Variants in ACSBG1 observed in about 807,000 individuals in gnomAD.
The protein encoded by ACSBG1 is acyl-CoA synthetase bubblegum family member 1.
In ACSBG1, 39 loss-of-function variants were observed where a neutral mutation model predicts 80.2. The ratio of observed to expected loss-of-function variants is 0.49; its 90% CI spans 0.38 to 0.64. The LOEUF (loss-of-function observed/expected upper bound fraction) is 0.64. Among genes scored for constraint, ACSBG1 ranks in the 30% least tolerant of loss-of-function variants. The probability of loss-of-function intolerance (pLI) is 0.00; values close to 1 mark genes in which losing one functional copy is unlikely to be tolerated. For synonymous variants in ACSBG1, 392 were observed against 379.5 expected, an observed-to-expected ratio of 1.03 and a Z score of -0.38; for missense variants, 828 against 966.4, an observed-to-expected ratio of 0.86 and a Z score of 1.90.
At chr15:78,188,226 A>G (rs1177397434) in intron 5 of ACSBG1, among the ~76,000 whole-genome samples, 1 of 152,020 alleles carries the variant, frequency 6.6e-6, no homozygotes, top group African/African-American at 2.4e-5. Context: ...GGAAGAATCA[A>G]TATCATGAAA....
intron 1 of ACSBG1, among the ~76,000 whole-genome samples, chr15:78,229,282 CAAAG>C (rs1259857866): frequency 6.6e-6 from 1 of 151,976 alleles, no homozygotes; most frequent in Non-Finnish European, 1.5e-5. Flanking sequence ...TTAACAAAAA[CAAAG>C]AAAAACAGTA....
chr15:78,178,989 T>C lies in ACSBG1; in HGVS notation c.1485-158A>G, dbSNP rs920601758. The C allele has an allele frequency of 1.9e-5, 13 of 678,636 alleles. No homozygotes were observed. The highest frequency in any genetic ancestry group is 2.9e-5 in the Non-Finnish European group (12 of 410,704). 42.0% of individuals were successfully genotyped at this position (678,636 alleles called of 1,614,324 possible). Reference sequence around the variant, plus strand: ...TTACAGGGGACTTACAGCTGAAAGGTAGAGCCAAGTAAAGGGTTTTAGGGA... The same window carrying C: ...TTACAGGGGACTTACAGCTGAAAGGCAGAGCCAAGTAAAGGGTTTTAGGGA... On this transcript the variant is annotated intron_variant, in intron 10 of 13. Coordinates refer to ENST00000258873, the MANE Select transcript of ACSBG1 (RefSeq NM_015162.5). The surrounding 1 kb of genome is among the most constrained non-coding windows in gnomAD (Gnocchi z 4.3).
At chr15:78,205,832 G>A (rs544249078) in intron 2 of ACSBG1, among the ~76,000 whole-genome samples, 3 of 152,294 alleles carry the variant, frequency 2.0e-5, no homozygotes, top group African/African-American at 7.2e-5. Context: ...TGAAAGGGCA[G>A]CTTCAAGACC....
intron 9 of ACSBG1, 60 bp from the exon 10 acceptor site, chr15:78,179,840 C>CAT: frequency 8.3e-7 from 1 of 1,202,612 alleles, no homozygotes; most frequent in Non-Finnish European, 1.2e-6. Flanking sequence ...CACACACACA[C>CAT]ACATACACAC....
At position 78,181,981 on chromosome 15, in the gene ACSBG1, G is replaced by C; in HGVS notation, c.1059C>G (p.Pro353=). The change falls in exon 8 of 14, where the codon CCC becomes CCG. Residue 353 remains proline (P), a synonymous_variant. Coordinates refer to ENST00000258873, the MANE Select transcript of ACSBG1 (RefSeq NM_015162.5). ...AAGGCAGACTGACCTTCAGGGCGTC[G>C]GGTTCGGCAAAGCAAACCTGGGCCC... ...QWGAQVCFAE[P]DALKGSLVNT... is the part of the protein sequence containing the mutation. 6.2e-7 allele frequency: 1 copy of C among 1,613,926 alleles called. No homozygotes were observed. Among genetic ancestry groups the C allele is most frequent in the Non-Finnish European group, 8.5e-7 (1 of 1,179,932 alleles).
chr15:78,171,860 C>G (rs1403888369), intron 13 of ACSBG1: 1 of 172,152 alleles, frequency 5.8e-6, no homozygotes, highest in East Asian at 1.6e-4. Flanking sequence ...GACCTGTACC[C>G]AGTTTTGACC....
intron 2 of ACSBG1, among the ~76,000 whole-genome samples, chr15:78,205,526 C>A (rs2075205623): frequency 6.6e-6 from 1 of 152,114 alleles, no homozygotes; most frequent in African/African-American, 2.4e-5. Flanking sequence ...GCAGTGTGGC[C>A]AGTTAAGAGT....
chr15:78,216,511 C>T (rs984202831), intron 1 of ACSBG1, among the ~76,000 whole-genome samples: 1 of 152,108 alleles, frequency 6.6e-6, no homozygotes, highest in African/African-American at 2.4e-5. Context: ...CCAGCTCACA[C>T]GGGTGGGGTT....
At chr15:78,182,314 G>T in intron 7 of ACSBG1, 152 bp downstream of exon 7, 1 of 1,333,516 alleles carries the variant, frequency 7.5e-7, no homozygotes, top group South Asian at 1.3e-5. Flanking sequence ...AGCTCAGTCT[G>T]GGCCACAGAT....
In ACSBG1 at chr15:78,215,735, A is replaced by AAAGAAAGGAAGAAAGAAAGAAAGAAAGG. The variant is rs1555434019; in HGVS notation, c.132-7634_132-7633insCCTTTCTTTCTTTCTTTCTTCCTTTCTT. ...GAGAAAGAAAGAAAGAGAAAGAAAG[A>AAAGAAAGGAAGAAAGAAAGAAAGAAAGG]AAGAAAGAAAGAAAGAAAGAAAGAA... On this transcript the variant is annotated intron_variant, in intron 1 of 13. Transcript: ENST00000258873. Among the ~76,000 whole-genome samples the AAAGAAAGGAAGAAAGAAAGAAAGAAAGG allele has an allele frequency of 1.6e-3, 206 of 125,352 alleles. 1 individual carries two copies. The highest frequency in any genetic ancestry group is 8.8e-3 in the Middle Eastern group (2 of 228). The allele number at this position is 125,352 out of a possible 152,430, so 82.2% of individuals were successfully genotyped here.
chr15:78,195,171 A>G (rs1400886387), intron 2 of ACSBG1, among the ~76,000 whole-genome samples: 1 of 152,164 alleles, frequency 6.6e-6, no homozygotes, highest in African/African-American at 2.4e-5. Context: ...GACCCTCCCG[A>G]GGGTCTGGAG....
Position 78,234,369 on chromosome 15 carries a change from A to G in ACSBG1, c.131+2T>C. On this transcript the variant is annotated splice_donor_variant, in intron 1 of 13. Transcript: ENST00000258873. LOFTEE classifies it high-confidence loss of function. ...TGTGCAGAAACCCAACCAATGACTT[A>G]CCTGGTTTTCAATTTTTCTTGGGTG... 4 of 1,609,864 alleles carry G rather than the reference A, an allele frequency of 2.5e-6. No homozygotes were observed. Among genetic ancestry groups the G allele is most frequent in the Non-Finnish European group, 3.4e-6 (4 of 1,179,904 alleles).
intron 5 of ACSBG1, among the ~76,000 whole-genome samples, chr15:78,192,023 G>A (rs900147345): frequency 4.6e-5 from 7 of 152,042 alleles, no homozygotes; most frequent in Non-Finnish European, 8.8e-5. Context: ...AATATTCCTG[G>A]TGTCCTTATA....
Position 78,210,416 on chromosome 15 carries a change from T to C in ACSBG1, c.132-2314A>G, listed in dbSNP as rs1391137282. Among the ~76,000 whole-genome samples the C allele has an allele frequency of 2.0e-5, 3 of 152,176 alleles. No homozygotes were observed. The East Asian group carries it at 5.8e-4, about 29-fold the overall frequency. ...AGGTGGTCCCTTTGAAGAGATGTCATCCGAAATAGAATGTGCTAAACCTCC... is the reference window on the plus strand; with the variant it reads ...AGGTGGTCCCTTTGAAGAGATGTCACCCGAAATAGAATGTGCTAAACCTCC... On this transcript the variant is annotated intron_variant, in intron 1 of 13. Transcript: ENST00000258873.
At chr15:78,198,231 G>C (rs977789480) in intron 2 of ACSBG1, among the ~76,000 whole-genome samples, 6 of 152,034 alleles carry the variant, frequency 3.9e-5, no homozygotes, top group African/African-American at 1.5e-4. Flanking sequence ...GGTGGAGACA[G>C]GGTTTCACTG....
chr15:78,197,045 CGGAG>C (rs2075120921), intron 2 of ACSBG1, among the ~76,000 whole-genome samples: 1 of 150,690 alleles, frequency 6.6e-6, no homozygotes, highest in South Asian at 2.1e-4. Context: ...GCCTGGACAA[CGGAG>C]TGAGACCCAG....
At chr15:78,223,205 A>G (rs975730496) in intron 1 of ACSBG1, among the ~76,000 whole-genome samples, 11 of 144,668 alleles carry the variant, frequency 7.6e-5, no homozygotes, top group Non-Finnish European at 1.5e-4. Flanking sequence ...GATGTTGGAG[A>G]GCATGTGAAG....
At chr15:78,182,189 C>T in intron 7 of ACSBG1, 44 bp from the exon 8 acceptor site, 2 of 1,586,344 alleles carry the variant, frequency 1.3e-6, no homozygotes, top group Non-Finnish European at 1.7e-6. Flanking sequence ...CACAAGCCAG[C>T]CCTGGCGGTG....
chr15:78,181,100 C>G, intron 8 of ACSBG1, 164 bp from the exon 9 acceptor site: 1 of 834,204 alleles, frequency 1.2e-6, no homozygotes, highest in South Asian at 2.0e-5. Context: ...TGGCTGTCGC[C>G]TTGCTTTTTG....
Sources: gnomAD v4.1 joint callset for allele counts (sites outside exome capture counted in the v4.1 genomes callset) on GRCh38, gnomAD v4.1.1 for gene constraint, Gnocchi (gnomAD v3.1) non-coding constraint, MANE v1.5 for transcripts, NCBI Gene and HGNC (gene_info 2026-07-23, HGNC 2026-07-21) for gene names.